Variants in DDX60L observed in about 807,000 individuals in gnomAD.
DDX60L encodes DExD/H-box 60 like, also known as probable ATP-dependent RNA helicase DDX60-like.
A neutral mutation model predicts 211.6 loss-of-function variants in DDX60L; 191 were observed. The ratio of observed to expected loss-of-function variants is 0.90; its 90% CI spans 0.80 to 1.02. The LOEUF (loss-of-function observed/expected upper bound fraction) is 1.02, where lower values mean the gene tolerates loss of function less well. Ranked by LOEUF, DDX60L falls within the 50% of genes least tolerant of loss-of-function variation. The pLI is 0.00. For synonymous variants in DDX60L, 706 were observed against 694.1 expected, an observed-to-expected ratio of 1.02 and a Z score of -0.27; for missense variants, 2,007 against 1,984.1, an observed-to-expected ratio of 1.01 and a Z score of -0.22.
Position 168,453,299 on chromosome 4 carries a change from A to C in DDX60L, c.838-17T>G. The C allele has an allele frequency of 6.3e-7, 1 of 1,599,530 alleles. No homozygotes were observed. Among genetic ancestry groups the C allele is most frequent in the Non-Finnish European group, 8.5e-7 (1 of 1,172,750 alleles). On this transcript the variant is annotated splice_polypyrimidine_tract_variant and intron_variant, in intron 7 of 37. Transcript: ENST00000682922. ...ACTGTGCACCTGCGTACAATAAAGAAGATGAGAACAGTCACAATGTCACGC... is the reference window on the plus strand; with the variant it reads ...ACTGTGCACCTGCGTACAATAAAGACGATGAGAACAGTCACAATGTCACGC...
At position 168,371,596 on chromosome 4, in the gene DDX60L, A is replaced by T; in HGVS notation, c.4928+16T>A. The T allele has an allele frequency of 6.7e-7, 1 of 1,498,402 alleles. No homozygotes were observed. The highest frequency in any genetic ancestry group is 9.1e-7 in the Non-Finnish European group (1 of 1,103,516). 92.8% of individuals were successfully genotyped at this position (1,498,402 alleles called of 1,614,324 possible). On this transcript the variant is annotated intron_variant, in intron 36 of 37. Transcript: ENST00000682922. ...ATGTATGTATATATTTTACAGAAAC[A>T]TACCCATAAACTTACCCATTTTTTT...
chr4:168,358,346 G>T (rs1738482181), intron 37 of DDX60L, 70 bp from the exon 38 acceptor site: 3 of 1,210,578 alleles, frequency 2.5e-6, no homozygotes, highest in African/African-American at 1.6e-5. Context: ...ATTATTAAAA[G>T]GTTAGCAGAA....
In DDX60L at chr4:168,458,031, T is replaced by C. The variant is rs181851427; in HGVS notation, c.607-23A>G. 2.3e-5 allele frequency: 30 copies of C among 1,317,106 alleles called. No individual in the cohort carries two copies. The South Asian group carries it at 3.3e-4, about 15-fold the overall frequency. 81.6% of individuals were successfully genotyped at this position (1,317,106 alleles called of 1,614,324 possible). On this transcript the variant is annotated intron_variant, in intron 5 of 37. Transcript: ENST00000682922. ...ATTCTGTAAAAGGGAGAAAACCATATAAAATATCTTAAATAAAGTATTTCC... is the reference window on the plus strand; with the variant it reads ...ATTCTGTAAAAGGGAGAAAACCATACAAAATATCTTAAATAAAGTATTTCC...
At chr4:168,374,999 A>C (rs574347207) in intron 34 of DDX60L, among the ~76,000 whole-genome samples, 1 of 152,306 alleles carries the variant, frequency 6.6e-6, no homozygotes, top group South Asian at 2.1e-4. Flanking sequence ...ACCACTATGC[A>C]ACTGCCCCTC....
rs756711874 is a variant in DDX60L, at chr4:168,375,359, G to T, written c.4633+18C>A. The T allele has an allele frequency of 3.7e-6, 6 of 1,607,436 alleles. No individual in the cohort carries two copies. In the Admixed American group the frequency reaches 5.1e-5, roughly 14 times the overall value. ...TTACTCTTTAAATTGTTCCGGAATG[G>T]AACTAAAATCTGCTTACTGATTCTT... On this transcript the variant is annotated intron_variant, in intron 34 of 37. Transcript: ENST00000682922.
At chr4:168,442,997 C>G (rs1183075332) in intron 9 of DDX60L, among the ~76,000 whole-genome samples, 1 of 152,228 alleles carries the variant, frequency 6.6e-6, no homozygotes, top group Non-Finnish European at 1.5e-5. Flanking sequence ...AACGCAGTTC[C>G]TCACCAGCAA....
At chr4:168,362,233 T>C (rs1739235503) in intron 36 of DDX60L, among the ~76,000 whole-genome samples, 2 of 152,196 alleles carry the variant, frequency 1.3e-5, no homozygotes, top group African/African-American at 4.8e-5. Flanking sequence ...GACAGCCAGT[T>C]CAGCAGAGGC....
In DDX60L at chr4:168,364,210, G is replaced by C. The variant is rs183427439; in HGVS notation, c.4929-2999C>G. Among the ~76,000 whole-genome samples the C allele has an allele frequency of 3.4e-3, 521 of 152,244 alleles. 3 individuals are homozygous for C. Among genetic ancestry groups the C allele is most frequent in the Non-Finnish European group, 6.3e-3 (428 of 67,996 alleles). ...CAAGCATAGAATGAAAGTGAAGGAA[G>C]GGACAAAGATATCCCATGCAAAGAG... On this transcript the variant is annotated intron_variant, in intron 36 of 37. Coordinates refer to ENST00000682922, the MANE Select transcript of DDX60L (RefSeq NM_001012967.3).
At chr4:168,433,163 T>A in intron 10 of DDX60L, 48 bp from the exon 11 acceptor site, 1 of 1,221,950 alleles carries the variant, frequency 8.2e-7, no homozygotes, top group Non-Finnish European at 1.1e-6. Flanking sequence ...GTAACTATCC[T>A]ATATGAATTT....
intron 9 of DDX60L, 144 bp from the exon 10 acceptor site, chr4:168,441,636 T>C (rs550361980): frequency 1.9e-5 from 12 of 616,512 alleles, no homozygotes; most frequent in Middle Eastern, 7.5e-4. Context: ...TACACTTGCA[T>C]GAAAATTAGT....
intron 29 of DDX60L, among the ~76,000 whole-genome samples, chr4:168,387,813 A>C (rs1744160919): frequency 6.6e-6 from 1 of 152,216 alleles, no homozygotes; most frequent in South Asian, 2.1e-4. Context: ...ATGTTTATTA[A>C]GGACCTTTAA....
chr4:168,407,486 T>C (rs1206298117), intron 22 of DDX60L, among the ~76,000 whole-genome samples: 2 of 152,148 alleles, frequency 1.3e-5, no homozygotes, highest in Non-Finnish European at 2.9e-5. Context: ...TAAAGTAACA[T>C]CTAAACCGTA....
At chr4:168,463,973 C>T (rs1757653782) in intron 4 of DDX60L, among the ~76,000 whole-genome samples, 1 of 152,026 alleles carries the variant, frequency 6.6e-6, no homozygotes, top group South Asian at 2.1e-4. Flanking sequence ...TATTGATTTG[C>T]CATTCTACTG....
Position 168,373,813 on chromosome 4 carries a change from C to T in DDX60L, c.4634-5G>A, listed in dbSNP as rs1207345356. ...CACATTCTTTACCTGTGAATTCTGA[C>T]CATTTTGGACTAGGTCACGTTAGGT... On this transcript the variant is annotated splice_region_variant and splice_polypyrimidine_tract_variant and intron_variant, in intron 34 of 37. Transcript: ENST00000682922. 1 of 1,611,996 alleles carries T rather than the reference C, an allele frequency of 6.2e-7. No individual in the cohort carries two copies. Among genetic ancestry groups the T allele is most frequent in the Non-Finnish European group, 8.5e-7 (1 of 1,179,082 alleles).
rs1413023565 is a variant in DDX60L at position 168,396,133 on chromosome 4, T to A, written c.3492-9A>T. The A allele has an allele frequency of 2.0e-4, 232 of 1,175,974 alleles. No individual in the cohort carries two copies. Among genetic ancestry groups the A allele is most frequent in the South Asian group, 3.1e-4 (18 of 58,148 alleles). The allele number at this position is 1,175,974 out of a possible 1,614,324, so 72.8% of individuals were successfully genotyped here. ...TTGGGTTTTTTTTAGTGCTACTATTTAAAAAAAAAAAAAAACTTTTAAGTA... is the reference window on the plus strand; with the variant it reads ...TTGGGTTTTTTTTAGTGCTACTATTAAAAAAAAAAAAAAAACTTTTAAGTA... On this transcript the variant is annotated splice_polypyrimidine_tract_variant and intron_variant, in intron 26 of 37. Transcript: ENST00000682922.
At chr4:168,383,776 A>G (rs1382731607) in intron 30 of DDX60L, among the ~76,000 whole-genome samples, 1 of 152,190 alleles carries the variant, frequency 6.6e-6, no homozygotes, top group Non-Finnish European at 1.5e-5. Flanking sequence ...ACTGGTTCAC[A>G]CCTGTAATCT....
intron 36 of DDX60L, among the ~76,000 whole-genome samples, chr4:168,364,837 C>A (rs984443693): frequency 5.9e-5 from 9 of 151,848 alleles, no homozygotes; most frequent in African/African-American, 9.7e-5. Flanking sequence ...CTTTTCTGAG[C>A]AAAATGGTAT....
Position 168,422,598 on chromosome 4 carries a change from C to G in DDX60L, c.2170G>C (p.Gly724Arg). The G allele has an allele frequency of 6.2e-7, 1 of 1,613,424 alleles. No individual in the cohort carries two copies. Residue 724 changes from glycine to arginine, a missense_variant, in exon 16 of 38, where the codon GGC (glycine) becomes CGC (arginine). Coordinates refer to ENST00000682922, the MANE Select transcript of DDX60L (RefSeq NM_001012967.3). ...GPARFQLQYM[G>R]HYLIRDERKD... ...CTTTCATCTCTTATCAAGTAATGGC[C>G]CATGTATTGCAGTTGAAACCGAGCT...
intron 33 of DDX60L, 44 bp from the exon 34 acceptor site, chr4:168,375,568 T>TA (rs1053258101): frequency 1.3e-6 from 2 of 1,509,912 alleles, no homozygotes; most frequent in African/African-American, 1.4e-5. Flanking sequence ...TACTTTTATT[T>TA]AAAAAATTAA....
Sources: gnomAD v4.1 joint callset for allele counts (sites outside exome capture counted in the v4.1 genomes callset) on GRCh38, gnomAD v4.1.1 for gene constraint, MANE v1.5 for transcripts, NCBI Gene and HGNC (gene_info 2026-07-23, HGNC 2026-07-21) for gene names.